The following SLC17A4 variants were observed in gnomAD, a reference collection of about 807,000 sequenced individuals.
SLC17A4 encodes probable small intestine urate exporter.
SLC17A4 carries 33 observed loss-of-function variants against 52.5 expected under a neutral mutation model. The ratio of observed to expected loss-of-function variants is 0.63; its 90% confidence interval spans 0.48 to 0.84. The LOEUF is 0.84. Among genes scored for constraint, SLC17A4 ranks in the 40% least tolerant of loss-of-function variants. The probability of loss-of-function intolerance (pLI) is 0.00; values close to 1 mark genes in which losing one functional copy is unlikely to be tolerated. For synonymous variants in SLC17A4, 225 were observed against 216.2 expected (o/e 1.04, Z -0.36); for missense variants, 585 against 597.1 (o/e 0.98, Z 0.21).
intron 10 of SLC17A4, 149 bp downstream of exon 10, chr6:25,777,108 C>A: frequency 1.2e-6 from 1 of 867,762 alleles, no homozygotes; most frequent in South Asian, 2.0e-5. Context: ...TAAATAATTC[C>A]TGGAAGAGAC....
At position 25,781,181 on chromosome 6, in the gene SLC17A4, AAAG is replaced by A. The variant is rs1159696482; in HGVS notation, c.*1996_*1998del. 1.4e-5 allele frequency: 2 copies of A among 138,114 alleles called. No homozygotes were observed. Among genetic ancestry groups the A allele is most frequent in the South Asian group, 2.6e-4 (1 of 3,784 alleles). 8.6% of individuals were successfully genotyped at this position (138,114 alleles called of 1,614,324 possible). ...CAGCTGGAGGATGATTAGCAGAAAG[AAAG>A]AAAGAAAGAAAGAAAGAAAAGAAAG... On this transcript the variant is annotated 3_prime_UTR_variant, in exon 12 of 12. Transcript: ENST00000377905.
intron 2 of SLC17A4, among the ~76,000 whole-genome samples, chr6:25,767,445 A>AT (rs1762116079): frequency 1.3e-5 from 2 of 152,188 alleles, no homozygotes; most frequent in South Asian, 2.1e-4. Flanking sequence ...TATTAATCTC[A>AT]TTTTTCAGGC....
chr6:25,760,243 A>T (rs895115634), intron 1 of SLC17A4, among the ~76,000 whole-genome samples: 1 of 152,200 alleles, frequency 6.6e-6, no homozygotes, highest in African/African-American at 2.4e-5. Flanking sequence ...TTCATATATT[A>T]TTCCAATAGT....
At chr6:25,763,221 C>G (rs1761700726) in intron 2 of SLC17A4, among the ~76,000 whole-genome samples, 1 of 152,182 alleles carries the variant, frequency 6.6e-6, no homozygotes, top group South Asian at 2.1e-4. Context: ...GGTGACCACT[C>G]CAGGCTATAG....
At chr6:25,768,288 C>A in intron 2 of SLC17A4, 1 of 782,024 alleles carries the variant, frequency 1.3e-6, no homozygotes, top group Non-Finnish European at 1.6e-6. Context: ...AAGAAAATGG[C>A]ATCTTCATAC....
At chr6:25,759,551 T>C (rs1192614813) in intron 1 of SLC17A4, among the ~76,000 whole-genome samples, 1 of 152,250 alleles carries the variant, frequency 6.6e-6, no homozygotes, top group Non-Finnish European at 1.5e-5. Flanking sequence ...ATAATGTCTC[T>C]CTTTATCTTT....
chr6:25,765,024 C>T (rs1435837275), intron 2 of SLC17A4, among the ~76,000 whole-genome samples: 3 of 152,214 alleles, frequency 2.0e-5, no homozygotes, highest in African/African-American at 4.8e-5. Flanking sequence ...TACACCACCA[C>T]ATTATAGCTG....
intron 2 of SLC17A4, among the ~76,000 whole-genome samples, chr6:25,767,046 G>C (rs1312286941): frequency 1.3e-5 from 2 of 152,116 alleles, no homozygotes; most frequent in African/African-American, 2.4e-5. Flanking sequence ...AGGAAATTTT[G>C]TGTGAGATAT....
chr6:25,763,804 G>A (rs1761760679), intron 2 of SLC17A4, among the ~76,000 whole-genome samples: 1 of 152,190 alleles, frequency 6.6e-6, no homozygotes, highest in South Asian at 2.1e-4. Flanking sequence ...TCTGGGGCCA[G>A]GCTGTAGACA....
At chr6:25,771,164 C>T (rs1023774094) in intron 6 of SLC17A4, 152 bp downstream of exon 6, 9 of 664,726 alleles carry the variant, frequency 1.4e-5, no homozygotes, top group Non-Finnish European at 2.4e-5. Flanking sequence ...TAAGTTTCAG[C>T]AGCCCGAGTG....
At position 25,770,435 on chromosome 6, in the gene SLC17A4, C is replaced by G; in HGVS notation, c.583C>G (p.Leu195Val). ...AATTTGGGTCAAATGGGCTCCCCCA[C>G]TGGAAAGGAGTCAACTCACCACCAT... ...YSIWVKWAPP[L>V]ERSQLTTIAG... Residue 195 changes from leucine to valine, a missense_variant, in exon 5 of 12, where the codon CTG becomes GTG. By Grantham distance (32) the Leu-to-Val change is conservative. Transcript: ENST00000377905. 6.2e-7 allele frequency: 1 copy of G among 1,614,128 alleles called. No individual in the cohort carries two copies. The highest frequency in any genetic ancestry group is 1.7e-5 in the Admixed American group (1 of 60,024).
chr6:25,755,269 T>G (rs1048331399), intron 1 of SLC17A4, among the ~76,000 whole-genome samples: 2 of 152,158 alleles, frequency 1.3e-5, no homozygotes, highest in African/African-American at 4.8e-5. Flanking sequence ...ACGGTTCTGG[T>G]TTGGTTCCAG....
intron 1 of SLC17A4, 135 bp downstream of exon 1, chr6:25,754,916 G>C (rs1170463229): frequency 1.3e-5 from 2 of 152,188 alleles, no homozygotes; most frequent in African/African-American, 2.4e-5. Flanking sequence ...GAATGCCTGT[G>C]TCCTGAGATA....
At chr6:25,758,317 G>A (rs1430500106) in intron 1 of SLC17A4, among the ~76,000 whole-genome samples, 2 of 152,180 alleles carry the variant, frequency 1.3e-5, no homozygotes, top group Non-Finnish European at 2.9e-5. Context: ...ACCAGCAACT[G>A]TCTCTAAAAA....
chr6:25,779,000 C>A (rs936844438), intron 11 of SLC17A4, 54 bp from the exon 12 acceptor site: 26 of 1,600,454 alleles, frequency 1.6e-5, no homozygotes, highest in Admixed American at 3.4e-5. Context: ...CTTTCTGAAC[C>A]AAGAGGGACA....
rs1203137191 is a variant in SLC17A4, at chr6:25,769,184, A to G, written c.291A>G (p.Lys97=). The G allele has an allele frequency of 6.2e-7, 1 of 1,613,696 alleles. No homozygotes were observed. Among genetic ancestry groups the G allele is most frequent in the East Asian group, 2.2e-5 (1 of 44,870 alleles). Residue 97 remains lysine, a synonymous_variant, in exon 3 of 12, where the codon AAA becomes AAG. Transcript: ENST00000377905. ...GYWNETLKEF[K]AMAPAYDWSP... Reference sequence around the variant, plus strand: ...GGAATGAAACTCTAAAAGAATTTAAAGCAATGGTAAGTTTAATGAGACTCT... The same window carrying G: ...GGAATGAAACTCTAAAAGAATTTAAGGCAATGGTAAGTTTAATGAGACTCT...
At chr6:25,758,388 A>C (rs1369779146) in intron 1 of SLC17A4, among the ~76,000 whole-genome samples, 2 of 152,230 alleles carry the variant, frequency 1.3e-5, no homozygotes, top group Admixed American at 1.3e-4. Context: ...TAATTACAGT[A>C]ATAATTCAAA....
chr6:25,756,771 T>A, intron 1 of SLC17A4, among the ~76,000 whole-genome samples: 1 of 152,204 alleles, frequency 6.6e-6, no homozygotes, highest in East Asian at 1.9e-4. Flanking sequence ...CAACATTGCA[T>A]TCATTGATTC....
Position 25,773,639 on chromosome 6 carries a change from T to A in SLC17A4, c.952T>A (p.Tyr318Asn). 1.2e-6 allele frequency: 2 copies of A among 1,613,832 alleles called. No individual in the cohort carries two copies. Among genetic ancestry groups the A allele is most frequent in the Non-Finnish European group, 8.5e-7 (1 of 1,179,810 alleles). Residue 318 changes from tyrosine (Y) to asparagine (N), a missense_variant, in exon 8 of 12, where the codon TAC (tyrosine) becomes AAC (asparagine). Physicochemically the swap from Tyr to Asn is moderately radical, Grantham distance 143 (BLOSUM62 -2). Coordinates refer to ENST00000377905, the MANE Select transcript of SLC17A4 (RefSeq NM_005495.3). Reference sequence around the variant, plus strand: ...TACCATTATGGCGTACACACCAACGTACATCAGCTCGGTACTTCAAGCCAA... The same window carrying A: ...TACCATTATGGCGTACACACCAACGAACATCAGCTCGGTACTTCAAGCCAA... ...FYTIMAYTPT[Y>N]ISSVLQANLR...
Sources: gnomAD v4.1 joint callset for allele counts (sites outside exome capture counted in the v4.1 genomes callset) on GRCh38, gnomAD v4.1.1 for gene constraint, MANE v1.5 for transcripts, NCBI Gene and HGNC (gene_info 2026-07-23, HGNC 2026-07-21) for gene names.